Variants in ANKRD29 observed in about 807,000 individuals in gnomAD.
ANKRD29 encodes ankyrin repeat domain-containing protein 29.
ANKRD29 carries 32 observed loss-of-function variants against 38.0 expected under a neutral mutation model. The observed-to-expected ratio is 0.84, with a 90% CI of 0.64 to 1.13. The LOEUF is 1.13. Ranked by LOEUF, ANKRD29 falls within the 50% of genes most tolerant of loss-of-function variation. The pLI is 0.00. For synonymous variants in ANKRD29, 135 were observed against 152.4 expected (o/e 0.89, Z 0.84); for missense variants, 357 against 377.9 (o/e 0.94, Z 0.46).
chr18:23,601,817 G>A (rs1472600281), intron 9 of ANKRD29, among the ~76,000 whole-genome samples: 1 of 151,880 alleles, frequency 6.6e-6, no homozygotes, highest in Admixed American at 6.6e-5. Context: ...CCACAGATGT[G>A]CACCACTATG....
intron 5 of ANKRD29, among the ~76,000 whole-genome samples, chr18:23,631,109 A>T (rs1203681919): frequency 2.0e-5 from 3 of 152,012 alleles, no homozygotes; most frequent in Non-Finnish European, 4.4e-5. Flanking sequence ...ATTAAGATAC[A>T]ATATGCAGCT....
At position 23,642,226 on chromosome 18, in the gene ANKRD29, T is replaced by C. The variant is rs2060087081; in HGVS notation, c.232-3279A>G. ...ACAGGGCTGAAACACGCCTTCTGCT[T>C]GCCACATTGCAGGCAATGAGGAGAG... On this transcript the variant is annotated intron_variant, in intron 3 of 9. Coordinates refer to ENST00000592179, the MANE Select transcript of ANKRD29 (RefSeq NM_173505.4). Among the ~76,000 whole-genome samples, 3 of 151,762 alleles carry C rather than the reference T, an allele frequency of 2.0e-5. No homozygotes were observed. The South Asian group carries it at 6.2e-4, about 32-fold the overall frequency.
At chr18:23,622,176 T>C (rs1262683502) in intron 6 of ANKRD29, among the ~76,000 whole-genome samples, 1 of 152,162 alleles carries the variant, frequency 6.6e-6, no homozygotes, top group Admixed American at 6.5e-5. Flanking sequence ...ACCAGGATTT[T>C]GCTAGGTGTG....
chr18:23,626,117 G>C (rs1017449168), intron 6 of ANKRD29, among the ~76,000 whole-genome samples: 11 of 152,160 alleles, frequency 7.2e-5, no homozygotes, highest in African/African-American at 2.2e-4. Context: ...AGGATTCTAC[G>C]CTAATCTTTT....
chr18:23,646,188 C>T lies in ANKRD29; in HGVS notation c.231+1G>A. On this transcript the variant is annotated splice_donor_variant, in intron 3 of 9. Transcript: ENST00000592179. LOFTEE classifies it high-confidence loss of function. ...TTCTTCAAGTGCAAAGCCTGACCTA[C>T]CTCTCTCTGGAGATTGATGTCTGCT... The T allele has an allele frequency of 6.2e-7, 1 of 1,614,038 alleles. No homozygotes were observed. The highest frequency in any genetic ancestry group is 8.5e-7 in the Non-Finnish European group (1 of 1,179,974).
At chr18:23,610,210 G>A (rs1463604112) in intron 9 of ANKRD29, among the ~76,000 whole-genome samples, 1 of 152,230 alleles carries the variant, frequency 6.6e-6, no homozygotes, top group Non-Finnish European at 1.5e-5. Flanking sequence ...GGGCGCAGTG[G>A]CTCACGCCTG....
At chr18:23,614,850 G>T (rs1168883132) in intron 8 of ANKRD29, among the ~76,000 whole-genome samples, 5 of 152,244 alleles carry the variant, frequency 3.3e-5, no homozygotes, top group Non-Finnish European at 7.4e-5. Flanking sequence ...TCAAGGGCAA[G>T]TAGGTTTTAT....
chr18:23,626,701 AC>A (rs1183961416), intron 6 of ANKRD29, among the ~76,000 whole-genome samples: 1 of 152,234 alleles, frequency 6.6e-6, no homozygotes, highest in African/African-American at 2.4e-5. Context: ...ATCCCAAAGT[AC>A]TAAAAAGGTC....
intron 9 of ANKRD29, among the ~76,000 whole-genome samples, chr18:23,606,252 C>T (rs1424795911): frequency 6.6e-6 from 1 of 152,164 alleles, no homozygotes; most frequent in Admixed American, 6.5e-5. Context: ...GTTAGGACTA[C>T]AGGCACACAC....
At chr18:23,653,816 T>C (rs117528995) in intron 1 of ANKRD29, among the ~76,000 whole-genome samples, 1 of 150,442 alleles carries the variant, frequency 6.6e-6, no homozygotes, top group Non-Finnish European at 1.5e-5. Flanking sequence ...AGTAATCCAC[T>C]TGCCTCAGCC....
At chr18:23,625,202 C>T (rs924147809) in intron 6 of ANKRD29, among the ~76,000 whole-genome samples, 1 of 152,264 alleles carries the variant, frequency 6.6e-6, no homozygotes, top group Admixed American at 6.5e-5. Flanking sequence ...GCCCTGGAGC[C>T]TATTTCTTAT....
At chr18:23,627,199 A>T (rs1226173100) in intron 6 of ANKRD29, among the ~76,000 whole-genome samples, 1 of 152,230 alleles carries the variant, frequency 6.6e-6, no homozygotes, top group East Asian at 1.9e-4. Flanking sequence ...GGTAATAAAA[A>T]TTATTATGAT....
At chr18:23,617,330 G>A (rs1463256352) in intron 8 of ANKRD29, among the ~76,000 whole-genome samples, 1 of 152,152 alleles carries the variant, frequency 6.6e-6, no homozygotes, top group Non-Finnish European at 1.5e-5. Flanking sequence ...GCTTCCAGGT[G>A]TTTGAGGCTT....
At chr18:23,613,884 C>T (rs2059677717) in intron 8 of ANKRD29, among the ~76,000 whole-genome samples, 1 of 152,086 alleles carries the variant, frequency 6.6e-6, no homozygotes. Context: ...AGGCATGAGC[C>T]CCCACGCCCA....
At chr18:23,647,446 T>C (rs954420716) in intron 2 of ANKRD29, 2 of 152,242 alleles carry the variant, frequency 1.3e-5, no homozygotes, top group Non-Finnish European at 2.9e-5. Context: ...GAAAGTCTTG[T>C]TGGCTTTATG....
At chr18:23,648,760 T>C (rs1469162956) in intron 2 of ANKRD29, 1 of 409,630 alleles carries the variant, frequency 2.4e-6, no homozygotes. Context: ...TCTCCATCTT[T>C]TCATGGAAGT....
rs1375343744 is a variant in ANKRD29 at position 23,662,674 on chromosome 18, G to A, written c.21+36C>T. 9 of 1,230,370 alleles carry A rather than the reference G, an allele frequency of 7.3e-6. No individual in the cohort carries two copies. The Admixed American group carries it at 3.3e-4, about 45-fold the overall frequency. The allele number at this position is 1,230,370 out of a possible 1,614,324, so 76.2% of individuals were successfully genotyped here. A position where few individuals can be genotyped will look rare whatever the true frequency, so the allele number is the denominator to read the frequency against. ...CCCGCGGGCCCGGCCGCCCGAGCCC[G>A]GCCCCAGCCCTGACCCCGGAGTCCC... On this transcript the variant is annotated intron_variant, in intron 1 of 9. Transcript: ENST00000592179.
At chr18:23,653,331 A>C (rs35116751) in intron 1 of ANKRD29, among the ~76,000 whole-genome samples, 9 of 151,858 alleles carry the variant, frequency 5.9e-5, no homozygotes, top group Admixed American at 2.0e-4. Flanking sequence ...GCTCACTGTA[A>C]CCTCCGTCTC....
chr18:23,609,206 T>C (rs73392196), intron 9 of ANKRD29: 5,604 of 152,148 alleles, frequency 0.037, 335 homozygotes, highest in African/African-American at 0.13. Context: ...AGATTAGTGC[T>C]TGAAATATTT....
Sources: allele counts gnomAD v4.1 joint callset (sites outside exome capture counted in the v4.1 genomes callset), GRCh38; gene constraint gnomAD v4.1.1; transcripts MANE v1.5; gene names NCBI Gene and HGNC (gene_info 2026-07-23, HGNC 2026-07-21).